TENM3: variants seen among roughly 807,000 people sequenced by gnomAD.
The protein encoded by TENM3 is teneurin transmembrane protein 3, also known as teneurin-3.
In TENM3, 63 loss-of-function variants were observed where a neutral mutation model predicts 255.1. That is an observed-to-expected ratio of 0.25 (90% confidence interval 0.20 to 0.30). The LOEUF (loss-of-function observed/expected upper bound fraction) is 0.30. Among genes scored for constraint, TENM3 ranks in the 10% least tolerant of loss-of-function variants. TENM3 has a pLI of 1.00. For synonymous variants in TENM3, 1,306 were observed against 1,322.3 expected, an observed-to-expected ratio of 0.99 and a Z score of 0.27; for missense variants, 2,929 against 3,461.1, an observed-to-expected ratio of 0.85 and a Z score of 3.86.
At chr4:181,636,003 A>G in the TENM3 span, among the ~76,000 whole-genome samples, 3 of 152,176 alleles carry the variant, frequency 2.0e-5, no homozygotes, top group Non-Finnish European at 1.5e-5. Flanking sequence ...ACATGTATAT[A>G]TATGTACACA....
chr4:182,527,627 G>A (rs1052251069), intron 3 of TENM3, among the ~76,000 whole-genome samples: 5 of 152,170 alleles, frequency 3.3e-5, no homozygotes, highest in African/African-American at 9.7e-5. Context: ...TATAGTGATC[G>A]TGTGAATTTG....
intron 3 of TENM3, among the ~76,000 whole-genome samples, chr4:182,500,873 G>A (rs1053526436): frequency 2.6e-5 from 4 of 151,780 alleles, no homozygotes; most frequent in Non-Finnish European, 4.4e-5. Flanking sequence ...GATAATTTAG[G>A]GTATATTAAG....
chr4:181,781,461 T>C, the TENM3 span, among the ~76,000 whole-genome samples: 2 of 152,196 alleles, frequency 1.3e-5, no homozygotes, highest in African/African-American at 4.8e-5. Context: ...TTTTGGCACA[T>C]TGATTATGTA....
At chr4:181,894,723 G>A in the TENM3 span, among the ~76,000 whole-genome samples, 1 of 143,794 alleles carries the variant, frequency 7.0e-6, no homozygotes, top group East Asian at 2.1e-4. Context: ...CGGTCTCCAA[G>A]TCAGTGGCAG....
At chr4:182,365,344 T>C (rs58076669) in intron 3 of TENM3, among the ~76,000 whole-genome samples, 4,087 of 152,284 alleles carry the variant, frequency 0.027, 128 homozygotes, top group African/African-American at 0.072. Context: ...CCCTTGTGTA[T>C]ATGTGGCCTC....
At chr4:182,225,828 T>C (rs1756114784) in intron 1 of TENM3, among the ~76,000 whole-genome samples, 2 of 151,890 alleles carry the variant, frequency 1.3e-5, no homozygotes, top group South Asian at 4.2e-4. Flanking sequence ...ATGCCTGGAG[T>C]GAAGGTTAGA....
chr4:181,658,401 G>A, the TENM3 span, among the ~76,000 whole-genome samples: 2 of 152,172 alleles, frequency 1.3e-5, no homozygotes, highest in African/African-American at 4.8e-5. Flanking sequence ...GAAGCACAGA[G>A]AAAGGGCAGT....
At chr4:182,180,850 T>TAAA in intron 1 of TENM3, among the ~76,000 whole-genome samples, 1 of 152,004 alleles carries the variant, frequency 6.6e-6, no homozygotes, top group African/African-American at 2.4e-5. Context: ...TTAATTTCTT[T>TAAA]CATTAAAACA....
intron 1 of TENM3, among the ~76,000 whole-genome samples, chr4:182,231,245 C>T (rs1284145442): frequency 6.6e-6 from 1 of 151,804 alleles, no homozygotes; most frequent in African/African-American, 2.4e-5. Context: ...TAAGCTATTC[C>T]CGAGGAGGGT....
chr4:182,501,057 T>C (rs1580756412), intron 3 of TENM3, among the ~76,000 whole-genome samples: 1 of 152,262 alleles, frequency 6.6e-6, no homozygotes, highest in East Asian at 1.9e-4. Context: ...TGAGCATGTC[T>C]TATGTATGTA....
At chr4:182,758,977 G>C (rs1762932202) in intron 22 of TENM3, among the ~76,000 whole-genome samples, 1 of 152,170 alleles carries the variant, frequency 6.6e-6, no homozygotes, top group Non-Finnish European at 1.5e-5. Flanking sequence ...AAAAAGCCTT[G>C]AGATTAAAGC....
chr4:181,992,715 C>T, the TENM3 span, among the ~76,000 whole-genome samples: 25 of 152,006 alleles, frequency 1.6e-4, no homozygotes, highest in South Asian at 6.2e-4. Flanking sequence ...TTCAAATGTG[C>T]GGTAATCACG....
At chr4:181,553,298 T>TGTG in the TENM3 span, among the ~76,000 whole-genome samples, 60 of 102,598 alleles carry the variant, frequency 5.8e-4, no homozygotes, top group African/African-American at 2.3e-3. Flanking sequence ...TGTGTGTGTG[T>TGTG]AGTGTGTGTG....
chr4:181,496,059 G>C, the TENM3 span, among the ~76,000 whole-genome samples: 1 of 152,010 alleles, frequency 6.6e-6, no homozygotes, highest in East Asian at 1.9e-4. Flanking sequence ...ACCAGAAAAT[G>C]ACAAGTCACA....
chr4:182,191,544 G>A (rs138857025), intron 1 of TENM3, among the ~76,000 whole-genome samples: 2 of 152,166 alleles, frequency 1.3e-5, no homozygotes, highest in East Asian at 3.9e-4. Context: ...TAAACTTAGT[G>A]CGGTTAGTTT....
chr4:181,887,241 C>T, the TENM3 span, among the ~76,000 whole-genome samples: 4 of 141,930 alleles, frequency 2.8e-5, no homozygotes, highest in East Asian at 2.0e-4. Flanking sequence ...TATCTTTACA[C>T]GTACCTGTGT....
At chr4:182,763,581 A>G (rs572045212) in intron 22 of TENM3, among the ~76,000 whole-genome samples, 1 of 152,252 alleles carries the variant, frequency 6.6e-6, no homozygotes, top group African/African-American at 2.4e-5. Flanking sequence ...GATGGAACCA[A>G]GTTCTAATAA....
rs1330042105 is a variant in TENM3 at position 182,728,968 on chromosome 4, G to A, written c.2372G>A (p.Gly791Glu). The A allele has an allele frequency of 6.2e-7, 1 of 1,613,328 alleles. No homozygotes were observed. Among genetic ancestry groups the A allele is most frequent in the East Asian group, 2.2e-5 (1 of 44,884 alleles). ...TGGGGAACATTTCTCTCTACAGATG[G>A]ACTCATTGACTGCATGGATCCCGAT... ...CTDSKDNEGD[G>E]LIDCMDPDCC... Residue 791 changes from glycine to glutamate, a missense_variant, in exon 14 of 28, where the codon GGA (glycine) becomes GAA (glutamate). Gly to Glu is a moderately conservative substitution (Grantham distance 98). Coordinates refer to ENST00000511685, the MANE Select transcript of TENM3 (RefSeq NM_001080477.4).
At chr4:182,786,481 C>A (rs927129154) in intron 24 of TENM3, among the ~76,000 whole-genome samples, 2 of 151,582 alleles carry the variant, frequency 1.3e-5, no homozygotes, top group African/African-American at 4.9e-5. Context: ...TTGCTTGAAC[C>A]TGGAGGAGGA....
Sources: allele counts gnomAD v4.1 joint callset (sites outside exome capture counted in the v4.1 genomes callset), GRCh38; gene constraint gnomAD v4.1.1; transcripts MANE v1.5; gene names NCBI Gene and HGNC (gene_info 2026-07-23, HGNC 2026-07-21).